Variants in RAB3GAP2 observed in about 807,000 individuals in gnomAD.
RAB3GAP2 encodes RAB3 GTPase activating non-catalytic protein subunit 2, also known as rab3 GTPase-activating protein non-catalytic subunit.
A neutral mutation model predicts 185.3 loss-of-function variants in RAB3GAP2; 87 were observed. That is an observed-to-expected ratio of 0.47 (90% CI 0.39 to 0.56). RAB3GAP2 has a LOEUF of 0.56. Among genes scored for constraint, RAB3GAP2 ranks in the 20% least tolerant of loss-of-function variants. RAB3GAP2 has a pLI of 0.00. For missense variants in RAB3GAP2, 1,492 were observed against 1,638.2 expected, an observed-to-expected ratio of 0.91 and a Z score of 1.54; for synonymous variants, 554 against 576.1, an observed-to-expected ratio of 0.96 and a Z score of 0.55.
chr1:220,195,724 T>A (rs574689186), intron 10 of RAB3GAP2, among the ~76,000 whole-genome samples: 1 of 152,310 alleles, frequency 6.6e-6, no homozygotes, highest in Admixed American at 6.5e-5. Flanking sequence ...TTTCTCTCTT[T>A]AAATATATAT....
intron 2 of RAB3GAP2, among the ~76,000 whole-genome samples, chr1:220,224,774 T>C (rs1659373043): frequency 6.6e-6 from 1 of 152,152 alleles, no homozygotes; most frequent in Non-Finnish European, 1.5e-5. Context: ...TCACTGAGTT[T>C]ACAGTTCCTA....
chr1:220,204,348 T>C (rs556325518), intron 8 of RAB3GAP2, among the ~76,000 whole-genome samples: 20 of 152,314 alleles, frequency 1.3e-4, no homozygotes, highest in African/African-American at 4.6e-4. Flanking sequence ...TAGCCAACCA[T>C]AAGCTTCATT....
intron 2 of RAB3GAP2, among the ~76,000 whole-genome samples, chr1:220,219,105 G>T (rs935368470): frequency 2.6e-5 from 4 of 152,172 alleles, no homozygotes; most frequent in Non-Finnish European, 4.4e-5. Flanking sequence ...AAAACTGCTG[G>T]AGGTGTGGAT....
At chr1:220,249,125 A>C (rs893660490) in intron 1 of RAB3GAP2, among the ~76,000 whole-genome samples, 1 of 152,236 alleles carries the variant, frequency 6.6e-6, no homozygotes, top group Non-Finnish European at 1.5e-5. Context: ...GAACTGGTTA[A>C]CAGGCAGAGG....
chr1:220,164,173 G>C (rs1658019669), intron 27 of RAB3GAP2, among the ~76,000 whole-genome samples: 1 of 152,130 alleles, frequency 6.6e-6, no homozygotes, highest in South Asian at 2.1e-4. Context: ...AATCTTATTA[G>C]GCTTTTGGCT....
chr1:220,232,706 T>A (rs1659523266), intron 2 of RAB3GAP2, 93 bp downstream of exon 2: 1 of 1,189,384 alleles, frequency 8.4e-7, no homozygotes, highest in Admixed American at 1.7e-5. Context: ...GACATCGAAT[T>A]TAAAATGTCA....
chr1:220,215,862 G>C (rs1424535032), intron 2 of RAB3GAP2, among the ~76,000 whole-genome samples: 1 of 151,976 alleles, frequency 6.6e-6, no homozygotes, highest in Non-Finnish European at 1.5e-5. Flanking sequence ...AAGCTATGCA[G>C]GTTAATTTCC....
chr1:220,258,052 GA>G (rs768550863), intron 1 of RAB3GAP2, among the ~76,000 whole-genome samples: 20 of 152,096 alleles, frequency 1.3e-4, no homozygotes, highest in Non-Finnish European at 2.4e-4. Flanking sequence ...GGAAGAAACT[GA>G]ATCTCTGAAC....
chr1:220,230,827 C>G (rs993922617), intron 2 of RAB3GAP2, among the ~76,000 whole-genome samples: 1 of 152,086 alleles, frequency 6.6e-6, no homozygotes, highest in Non-Finnish European at 1.5e-5. Flanking sequence ...TATTTCACAC[C>G]ACACCCCAGA....
At chr1:220,255,872 G>A (rs1232989121) in intron 1 of RAB3GAP2, among the ~76,000 whole-genome samples, 1 of 152,184 alleles carries the variant, frequency 6.6e-6, no homozygotes, top group African/African-American at 2.4e-5. Flanking sequence ...ATATCATCCA[G>A]GAGAACTTCC....
chr1:220,190,469 C>G lies in RAB3GAP2; in HGVS notation c.1539G>C (p.Gln513His). 6.2e-7 allele frequency: 1 copy of G among 1,610,672 alleles called. No homozygotes were observed. The highest frequency in any genetic ancestry group is 8.5e-7 in the Non-Finnish European group (1 of 1,176,884). ...KIMGLNNVTSQSWQPQTYQIC... is the reference protein window; with the variant it reads ...KIMGLNNVTSHSWQPQTYQIC... The stretch of plus-strand genomic sequence containing the variant: ...TCTGATAAGTCTGTGGCTGCCAACT[C>G]TGACTGGTAACATTATTTAAACCCA... The change falls in exon 15 of 35, where the codon CAG (glutamine) becomes CAC (histidine). Residue 513 changes from glutamine to histidine, a missense_variant. Coordinates refer to ENST00000358951, the MANE Select transcript of RAB3GAP2 (RefSeq NM_012414.4).
chr1:220,188,048 G>C (rs1276716674), intron 17 of RAB3GAP2, among the ~76,000 whole-genome samples: 1 of 150,472 alleles, frequency 6.6e-6, no homozygotes, highest in Non-Finnish European at 1.5e-5. Flanking sequence ...CTGAATTAGA[G>C]AATAACCAGC....
At chr1:220,267,062 T>A in intron 1 of RAB3GAP2, 1 of 1,605,484 alleles carries the variant, frequency 6.2e-7, no homozygotes, top group Non-Finnish European at 8.5e-7. Context: ...AGAGTGGTCC[T>A]CCTGGAAGAT....
intron 26 of RAB3GAP2, among the ~76,000 whole-genome samples, chr1:220,166,705 C>G (rs1388603481): frequency 1.3e-5 from 2 of 152,144 alleles, no homozygotes; most frequent in African/African-American, 4.8e-5. Flanking sequence ...GAGCAGAGAG[C>G]TGAGAGGGCA....
At chr1:220,190,343 G>C in intron 15 of RAB3GAP2, 34 bp downstream of exon 15, 1 of 1,613,746 alleles carries the variant, frequency 6.2e-7, no homozygotes, top group Non-Finnish European at 8.5e-7. Flanking sequence ...AGTTAGCAGA[G>C]GAGCGTCAAT....
intron 1 of RAB3GAP2, chr1:220,266,871 G>A: frequency 3.1e-6 from 5 of 1,597,782 alleles, no homozygotes; most frequent in Non-Finnish European, 4.3e-6. Context: ...ACAAAGTCAG[G>A]GAATGTGAAT....
In RAB3GAP2 at chr1:220,230,549, G is replaced by A. The variant is rs144168272; in HGVS notation, c.180+2250C>T. ...GTTTCCTGTTCTTAATCTCCTCATGGAGTTTTTCCATACATCTCTATTACA... is the reference window on the plus strand; with the variant it reads ...GTTTCCTGTTCTTAATCTCCTCATGAAGTTTTTCCATACATCTCTATTACA... On this transcript the variant is annotated intron_variant, in intron 2 of 34. Transcript: ENST00000358951. 5.0e-3 allele frequency among the ~76,000 whole-genome samples: 758 copies of A among 152,196 alleles called. 3 individuals are homozygous for A. The highest frequency in any genetic ancestry group is 0.017 in the African/African-American group (714 of 41,524).
At position 220,153,263 on chromosome 1, in the gene RAB3GAP2, A is replaced by T. The variant is rs1657796020; in HGVS notation, c.3789T>A (p.Leu1263=). Reference sequence around the variant, plus strand: ...TTCTAACAACATCTTCACTAACTTGAAGGTGATGGGCTAAATCCACAGCTA... The same window carrying T: ...TTCTAACAACATCTTCACTAACTTGTAGGTGATGGGCTAAATCCACAGCTA... ...PALAVDLAHH[L]QVSEDVVRRH... is the part of the protein sequence containing the mutation. Residue 1263 remains leucine, a synonymous_variant, in exon 33 of 35, where the codon CTT becomes CTA. Coordinates refer to ENST00000358951, the MANE Select transcript of RAB3GAP2 (RefSeq NM_012414.4). 1 of 1,614,178 alleles carries T rather than the reference A, an allele frequency of 6.2e-7. No individual in the cohort carries two copies. Among genetic ancestry groups the T allele is most frequent in the Non-Finnish European group, 8.5e-7 (1 of 1,180,000 alleles).
intron 6 of RAB3GAP2, 138 bp from the exon 7 acceptor site, chr1:220,210,627 T>G: frequency 1.0e-6 from 1 of 958,128 alleles, no homozygotes; most frequent in Non-Finnish European, 1.7e-6. Flanking sequence ...ACAGCTCCTC[T>G]TCTCTGTATC....
Sources: allele counts gnomAD v4.1 joint callset (sites outside exome capture counted in the v4.1 genomes callset), GRCh38; gene constraint gnomAD v4.1.1; transcripts MANE v1.5; gene names NCBI Gene and HGNC (gene_info 2026-07-23, HGNC 2026-07-21).